Variants in NHS observed in about 807,000 individuals in gnomAD.
NHS encodes actin remodeling regulator NHS.
A neutral mutation model predicts 72.5 loss-of-function variants in NHS; 5 were observed. The ratio of observed to expected loss-of-function variants is 0.07; its 90% CI spans 0.04 to 0.14. NHS has a LOEUF of 0.14. Among genes scored for constraint, NHS ranks in the 10% least tolerant of loss-of-function variants. The probability of loss-of-function intolerance (pLI) is 1.00; values close to 1 mark genes in which losing one functional copy is unlikely to be tolerated. For synonymous variants in NHS, 464 were observed against 547.7 expected (o/e 0.85, Z 2.13); for missense variants, 1,072 against 1,355.7 (o/e 0.79, Z 3.29).
At chrX:17,719,071 GAGGA>G (rs1412131825) in intron 3 of NHS, among the ~76,000 whole-genome samples, 1 of 94,174 alleles carries the variant, frequency 1.1e-5, no homozygotes, top group East Asian at 3.6e-4. Context: ...AGGAAGAAGG[GAGGA>G]AGGAAGGAGG....
chrX:17,653,018 C>T (rs1902670755), intron 1 of NHS, among the ~76,000 whole-genome samples: 1 of 111,211 alleles, frequency 9.0e-6, no homozygotes, highest in Admixed American at 9.5e-5. Context: ...TACCTGGCAT[C>T]TGAGAGATAC....
intron 1 of NHS, among the ~76,000 whole-genome samples, chrX:17,381,274 T>C (rs1371253085): frequency 1.8e-5 from 2 of 112,006 alleles, no homozygotes; most frequent in Non-Finnish European, 3.8e-5. Context: ...TTTATTTAGT[T>C]ACTGAGTTTT....
At chrX:17,544,782 G>A (rs2065283592) in intron 1 of NHS, among the ~76,000 whole-genome samples, 1 of 112,228 alleles carries the variant, frequency 8.9e-6, no homozygotes, top group Admixed American at 9.4e-5. Context: ...CAAAGTGCTG[G>A]GATTACAGGC....
intron 1 of NHS, among the ~76,000 whole-genome samples, chrX:17,475,232 G>A (rs1316509202): frequency 8.9e-6 from 1 of 112,515 alleles, no homozygotes; most frequent in East Asian, 2.8e-4. Context: ...AGAAGGATGA[G>A]AAGGAAGCCT....
intron 1 of NHS, among the ~76,000 whole-genome samples, chrX:17,437,499 G>A (rs1261662032): frequency 1.8e-5 from 2 of 111,517 alleles, no homozygotes; most frequent in African/African-American, 6.5e-5. Context: ...ACAAAGTGCT[G>A]TACCTTCCCT....
chrX:17,467,683 C>T (rs774395564), intron 1 of NHS, among the ~76,000 whole-genome samples: 35 of 111,571 alleles, frequency 3.1e-4, no homozygotes, highest in Admixed American at 3.0e-3. Flanking sequence ...GCTCTTAACC[C>T]AAGAATTAGA....
chrX:17,493,589 G>T (rs960764238), intron 1 of NHS, among the ~76,000 whole-genome samples: 3 of 111,585 alleles, frequency 2.7e-5, no homozygotes, highest in African/African-American at 9.8e-5. Context: ...TGAGTGGATG[G>T]CTAGGCCCCC....
At chrX:17,718,297 A>G (rs1161600183) in intron 3 of NHS, among the ~76,000 whole-genome samples, 2 of 89,329 alleles carry the variant, frequency 2.2e-5, no homozygotes, top group African/African-American at 8.5e-5. Context: ...ACCACTATTT[A>G]TGCTACCTCT....
chrX:17,467,573 CAT>C (rs1363515922), intron 1 of NHS, among the ~76,000 whole-genome samples: 1 of 112,174 alleles, frequency 8.9e-6, no homozygotes, highest in Non-Finnish European at 1.9e-5. Context: ...TATAATTGAA[CAT>C]GTTTTTAGAA....
intron 1 of NHS, among the ~76,000 whole-genome samples, chrX:17,433,300 C>T (rs917698090): frequency 9.5e-6 from 1 of 105,647 alleles, no homozygotes; most frequent in African/African-American, 3.5e-5. Flanking sequence ...CTGCCCACCT[C>T]GGCCTCCCAT....
intron 1 of NHS, among the ~76,000 whole-genome samples, chrX:17,529,034 CCTT>C: frequency 1.8e-5 from 2 of 111,071 alleles, no homozygotes; most frequent in South Asian, 7.8e-4. Context: ...TTCTTCCCTT[CCTT>C]CTTTCTTTTT....
In NHS at chrX:17,464,353, G is replaced by A. The variant is rs773672334; in HGVS notation, c.565+88031G>A. ...ATGGCCCAGTGACCCTTTAAGACTT[G>A]TGAAAGAGCATGACTCAAGCAGCTT... On this transcript the variant is annotated intron_variant, in intron 1 of 8. Transcript: ENST00000676302. Among the ~76,000 whole-genome samples, 7 of 112,051 alleles carry A rather than the reference G, an allele frequency of 6.2e-5. No individual in the cohort carries two copies. The East Asian group carries it at 2.0e-3, about 32-fold the overall frequency.
chrX:17,680,564 T>C (rs1232674599), intron 1 of NHS, among the ~76,000 whole-genome samples: 1 of 113,237 alleles, frequency 8.8e-6, no homozygotes, highest in South Asian at 3.6e-4. Flanking sequence ...CAACACTGCA[T>C]GCAGTGCTCT....
chrX:17,471,428 C>T (rs146259912), intron 1 of NHS, among the ~76,000 whole-genome samples: 4 of 112,004 alleles, frequency 3.6e-5, no homozygotes, highest in South Asian at 3.8e-4. Flanking sequence ...CATGAGCCAC[C>T]GGGGTGGAAA....
intron 1 of NHS, among the ~76,000 whole-genome samples, chrX:17,561,156 G>A (rs1196759502): frequency 8.9e-6 from 1 of 112,442 alleles, no homozygotes; most frequent in Non-Finnish European, 1.9e-5. Context: ...CAGGACATAA[G>A]GTCCATGAGC....
intron 1 of NHS, among the ~76,000 whole-genome samples, chrX:17,617,019 C>T (rs2065750806): frequency 8.9e-6 from 1 of 112,051 alleles, no homozygotes; most frequent in African/African-American, 3.2e-5. Context: ...TAGAGACCTT[C>T]GATTAGCCAG....
intron 1 of NHS, among the ~76,000 whole-genome samples, chrX:17,528,212 A>T (rs2065182069): frequency 9.0e-6 from 1 of 111,125 alleles, no homozygotes; most frequent in Non-Finnish European, 1.9e-5. Flanking sequence ...ATGCTGCTAA[A>T]CCTCCTACAA....
chrX:17,664,908 G>A lies in NHS; in HGVS notation c.566-22834G>A, dbSNP rs192523233. Among the ~76,000 whole-genome samples the A allele has an allele frequency of 1.2e-4, 13 of 110,882 alleles. No individual in the cohort carries two copies. In the Middle Eastern group the frequency reaches 0.02, roughly 166 times the overall value. On this transcript the variant is annotated intron_variant, in intron 1 of 8. Transcript: ENST00000676302. ...AAAGTTTGCAGATTTTAGTGTAGAG[G>A]ACTTGTATATTTTCTGTTAGATTTG...
intron 1 of NHS, among the ~76,000 whole-genome samples, chrX:17,393,832 T>A (rs1331844283): frequency 8.9e-6 from 1 of 111,747 alleles, no homozygotes; most frequent in Non-Finnish European, 1.9e-5. Flanking sequence ...GAGCCTTGGA[T>A]GTCTGATCTG....
Sources: gnomAD v4.1 joint callset for allele counts (sites outside exome capture counted in the v4.1 genomes callset) on GRCh38, gnomAD v4.1.1 for gene constraint, MANE v1.5 for transcripts, NCBI Gene and HGNC (gene_info 2026-07-23, HGNC 2026-07-21) for gene names.